Variants in BICC1 observed in about 807,000 individuals in gnomAD.
BICC1 encodes protein bicaudal C homolog 1.
BICC1 carries 43 observed loss-of-function variants against 111.0 expected under a neutral mutation model. The ratio of observed to expected loss-of-function variants is 0.39; its 90% confidence interval spans 0.30 to 0.50. The LOEUF (loss-of-function observed/expected upper bound fraction) is 0.50. Among genes scored for constraint, BICC1 ranks in the 20% least tolerant of loss-of-function variants. The pLI, the probability that BICC1 is intolerant of heterozygous loss-of-function variation, is 0.88. For synonymous variants in BICC1, 467 were observed against 434.4 expected, an observed-to-expected ratio of 1.07 and a Z score of -0.93; for missense variants, 1,091 against 1,203.2, an observed-to-expected ratio of 0.91 and a Z score of 1.38.
rs7904823 is a variant in BICC1, at chr10:58,679,525, G to A, written c.238-22549G>A. 2.1e-3 allele frequency among the ~76,000 whole-genome samples: 323 copies of A among 152,232 alleles called. 2 individuals carry two copies. The highest frequency in any genetic ancestry group is 7.3e-3 in the African/African-American group (305 of 41,540). ...CCTAAATAGACCAATAACGAGTTCT[G>A]AAATTGAGGCAGTAATTAATAGCTT... On this transcript the variant is annotated intron_variant, in intron 2 of 20. Coordinates refer to ENST00000373886, the MANE Select transcript of BICC1 (RefSeq NM_001080512.3).
chr10:58,771,739 T>C (rs2132724618), intron 3 of BICC1, among the ~76,000 whole-genome samples: 1 of 152,234 alleles, frequency 6.6e-6, no homozygotes, highest in Non-Finnish European at 1.5e-5. Context: ...AGGGAAATAA[T>C]GGAAGAGAAA....
chr10:58,769,400 G>GTATATATATATA (rs1202556984), intron 3 of BICC1, among the ~76,000 whole-genome samples: 177 of 106,514 alleles, frequency 1.7e-3, no homozygotes, highest in Admixed American at 4.3e-3. Context: ...GTGTGTGTGT[G>GTATATATATATA]TGTGTATATA....
At chr10:58,577,280 A>G (rs1223187671) in intron 1 of BICC1, among the ~76,000 whole-genome samples, 1 of 152,196 alleles carries the variant, frequency 6.6e-6, no homozygotes, top group African/African-American at 2.4e-5. Flanking sequence ...GGGGTAAAGT[A>G]TTTGTTTAAG....
chr10:58,566,314 G>GTA (rs747058944), intron 1 of BICC1, among the ~76,000 whole-genome samples: 112 of 151,570 alleles, frequency 7.4e-4, no homozygotes, highest in African/African-American at 2.6e-3. Context: ...CACATGGTGT[G>GTA]TATATATATA....
Position 58,788,391 on chromosome 10 carries a change from G to A in BICC1, c.568G>A (p.Ala190Thr), listed in dbSNP as rs985456029. Residue 190 changes from alanine (A) to threonine (T), a missense_variant, in exon 6 of 21, where the codon GCA becomes ACA. Ala to Thr is a moderately conservative substitution (Grantham distance 58). Transcript: ENST00000373886. Reference sequence around the variant, plus strand: ...ATAGGTATCTATAGCGGGACAACCAGCAGGAGTAGAATCTGCCCGAGTTAG... The same window carrying A: ...ATAGGTATCTATAGCGGGACAACCAACAGGAGTAGAATCTGCCCGAGTTAG... ...SNQVSIAGQP[A>T]GVESARVRIR... The A allele has an allele frequency of 4.3e-6, 7 of 1,611,390 alleles. No homozygotes were observed. Among genetic ancestry groups the A allele is most frequent in the African/African-American group, 1.3e-5 (1 of 74,962 alleles).
At chr10:58,582,899 C>G (rs1357149143) in intron 1 of BICC1, among the ~76,000 whole-genome samples, 2 of 152,184 alleles carry the variant, frequency 1.3e-5, no homozygotes, top group Non-Finnish European at 2.9e-5. Flanking sequence ...TTTAGGCCAG[C>G]TGCTTAGCAA....
chr10:58,694,998 T>C (rs1354180492), intron 2 of BICC1, among the ~76,000 whole-genome samples: 2 of 152,274 alleles, frequency 1.3e-5, no homozygotes, highest in Non-Finnish European at 2.9e-5. Context: ...TTGCCACATA[T>C]CTGTCTGCCA....
At chr10:58,820,272 A>G (rs1257279839) in intron 19 of BICC1, 97 bp from the exon 20 acceptor site, 1 of 762,872 alleles carries the variant, frequency 1.3e-6, no homozygotes, top group Non-Finnish European at 2.2e-6. Flanking sequence ...TAGGCAGAGC[A>G]TAATTAATAA....
chr10:58,626,247 G>C (rs770281331), intron 2 of BICC1, among the ~76,000 whole-genome samples: 8 of 152,172 alleles, frequency 5.3e-5, no homozygotes, highest in Middle Eastern at 6.3e-3. Flanking sequence ...CATTACTAAT[G>C]AAAACTTAGG....
chr10:58,574,944 A>G (rs911048828), intron 1 of BICC1, among the ~76,000 whole-genome samples: 1 of 151,880 alleles, frequency 6.6e-6, no homozygotes, highest in Non-Finnish European at 1.5e-5. Context: ...CTCTGTGTAC[A>G]TTTGTGTGAA....
intron 11 of BICC1, 142 bp downstream of exon 11, chr10:58,798,702 T>C (rs1230571649): frequency 3.9e-6 from 3 of 764,968 alleles, no homozygotes; most frequent in Admixed American, 3.5e-5. Flanking sequence ...TTCCCTGATA[T>C]GTAAATTAGT....
chr10:58,711,469 A>G (rs925568374), intron 3 of BICC1, among the ~76,000 whole-genome samples: 13 of 152,242 alleles, frequency 8.5e-5, no homozygotes, highest in Non-Finnish European at 1.6e-4. Context: ...AAACATGCAC[A>G]TTTGAGATCC....
intron 1 of BICC1, among the ~76,000 whole-genome samples, chr10:58,611,896 A>T (rs913392229): frequency 6.6e-6 from 1 of 152,230 alleles, no homozygotes; most frequent in Non-Finnish European, 1.5e-5. Flanking sequence ...TATTAAAGTG[A>T]AGAAGAAAGC....
chr10:58,644,386 A>G (rs998673579), intron 2 of BICC1, among the ~76,000 whole-genome samples: 8 of 152,206 alleles, frequency 5.3e-5, no homozygotes, highest in Admixed American at 4.6e-4. Flanking sequence ...CCTGAGACCC[A>G]GAAGTTGTGT....
intron 2 of BICC1, among the ~76,000 whole-genome samples, chr10:58,655,276 T>C (rs1037458723): frequency 7.2e-6 from 1 of 139,750 alleles, no homozygotes; most frequent in Admixed American, 7.3e-5. Context: ...CCTTGGGCAG[T>C]TTGGCCATTT....
chr10:58,526,649 A>T (rs944162915), intron 1 of BICC1, among the ~76,000 whole-genome samples: 1 of 152,030 alleles, frequency 6.6e-6, no homozygotes, highest in East Asian at 1.9e-4. Flanking sequence ...TCATTGTTCA[A>T]TTCCCACCTA....
rs139730754 is a variant in BICC1 at position 58,657,309 on chromosome 10, T to C, written c.237+36408T>C. On this transcript the variant is annotated intron_variant, in intron 2 of 20. Coordinates refer to ENST00000373886, the MANE Select transcript of BICC1 (RefSeq NM_001080512.3). ...CTTCTCACTCATTGGCGTTTTTGTC[T>C]GCATGCATCACTGCTCTGCATTATA... Among the ~76,000 whole-genome samples, 985 of 152,330 alleles carry C rather than the reference T, an allele frequency of 6.5e-3. 10 individuals are homozygous for C. Among genetic ancestry groups the C allele is most frequent in the Non-Finnish European group, 0.01 (689 of 68,032 alleles).
chr10:58,599,376 CA>C (rs1423953631), intron 1 of BICC1, among the ~76,000 whole-genome samples: 1 of 152,114 alleles, frequency 6.6e-6, no homozygotes, highest in Non-Finnish European at 1.5e-5. Flanking sequence ...TGGAAACCAT[CA>C]TTCTCAACAA....
At chr10:58,725,216 C>G (rs1431614839) in intron 3 of BICC1, among the ~76,000 whole-genome samples, 2 of 152,112 alleles carry the variant, frequency 1.3e-5, no homozygotes, top group Non-Finnish European at 2.9e-5. Flanking sequence ...TTGCAAATAT[C>G]GATCATGCAA....
Sources: gnomAD v4.1 joint callset for allele counts (sites outside exome capture counted in the v4.1 genomes callset) on GRCh38, gnomAD v4.1.1 for gene constraint, MANE v1.5 for transcripts, NCBI Gene and HGNC (gene_info 2026-07-23, HGNC 2026-07-21) for gene names.